Variants in RPS6KC1 observed in about 807,000 individuals in gnomAD.
RPS6KC1 encodes ribosomal protein S6 kinase C1, also known as inactive ribosomal protein S6 kinase delta-1.
A neutral mutation model predicts 103.8 loss-of-function variants in RPS6KC1; 54 were observed. That is an observed-to-expected ratio of 0.52 (90% CI 0.42 to 0.65). The LOEUF (loss-of-function observed/expected upper bound fraction) is 0.65. RPS6KC1 is among the 30% of genes least tolerant of loss of function. The probability of loss-of-function intolerance (pLI) is 0.00; values close to 1 mark genes in which losing one functional copy is unlikely to be tolerated. For synonymous variants in RPS6KC1, 439 were observed against 438.7 expected, an observed-to-expected ratio of 1.00 and a Z score of -0.01; for missense variants, 1,151 against 1,253.8, an observed-to-expected ratio of 0.92 and a Z score of 1.24.
chr1:213,113,379 T>C (rs555236061), intron 4 of RPS6KC1, among the ~76,000 whole-genome samples: 3 of 152,216 alleles, frequency 2.0e-5, no homozygotes, highest in Non-Finnish European at 2.9e-5. Flanking sequence ...AAGTGTCTGT[T>C]CTTGTCCTTC....
chr1:213,223,663 A>G (rs1489412191), intron 8 of RPS6KC1, among the ~76,000 whole-genome samples: 2 of 152,224 alleles, frequency 1.3e-5, no homozygotes, highest in African/African-American at 4.8e-5. Flanking sequence ...TCGTGCTGCT[A>G]TAAACATGTA....
chr1:213,648,135 T>A, the RPS6KC1 span, among the ~76,000 whole-genome samples: 58 of 152,328 alleles, frequency 3.8e-4, 1 homozygote, highest in African/African-American at 1.3e-3. Flanking sequence ...ACCATGTATT[T>A]TGAAACCATG....
the RPS6KC1 span, among the ~76,000 whole-genome samples, chr1:213,321,221 T>C: frequency 6.6e-6 from 1 of 152,240 alleles, no homozygotes; most frequent in African/African-American, 2.4e-5. Flanking sequence ...ATCAAAGTCC[T>C]TGTGATGGTA....
chr1:213,638,698 A>G, the RPS6KC1 span, among the ~76,000 whole-genome samples: 1 of 152,028 alleles, frequency 6.6e-6, no homozygotes, highest in African/African-American at 2.4e-5. Flanking sequence ...GGTCTTTATT[A>G]TGTTCCATTG....
At chr1:213,492,008 TTCTTC>T in the RPS6KC1 span, among the ~76,000 whole-genome samples, 17 of 152,170 alleles carry the variant, frequency 1.1e-4, no homozygotes, top group African/African-American at 4.1e-4. Flanking sequence ...TATAAGGTGG[TTCTTC>T]TCTTCAGCCC....
chr1:213,517,143 A>G, the RPS6KC1 span, among the ~76,000 whole-genome samples: 2 of 152,010 alleles, frequency 1.3e-5, no homozygotes, highest in South Asian at 2.1e-4. Flanking sequence ...TCTTGCTAGT[A>G]GTCTATCAAT....
the RPS6KC1 span, among the ~76,000 whole-genome samples, chr1:213,625,481 A>G: frequency 1.3e-5 from 2 of 151,966 alleles, no homozygotes; most frequent in East Asian, 3.9e-4. Context: ...CACAACGTGC[A>G]GGTTTGTTAC....
the RPS6KC1 span, among the ~76,000 whole-genome samples, chr1:213,800,101 C>T: frequency 1.3e-5 from 2 of 152,128 alleles, no homozygotes; most frequent in African/African-American, 4.8e-5. Flanking sequence ...CCTCTGAAGG[C>T]CCCAAATCCG....
the RPS6KC1 span, among the ~76,000 whole-genome samples, chr1:213,851,557 A>C: frequency 6.6e-6 from 1 of 152,068 alleles, no homozygotes; most frequent in African/African-American, 2.4e-5. Context: ...GATTGCCCCC[A>C]GGTAATCGCA....
the RPS6KC1 span, among the ~76,000 whole-genome samples, chr1:213,375,266 TATACACATACATATATACACACATAC>T: frequency 6.6e-6 from 1 of 151,472 alleles, no homozygotes. Flanking sequence ...CATACACACA[TATACACATACATATATACACACATAC>T]ATACACACAT....
the RPS6KC1 span, among the ~76,000 whole-genome samples, chr1:213,499,559 C>T: frequency 6.6e-6 from 1 of 152,150 alleles, no homozygotes; most frequent in Non-Finnish European, 1.5e-5. Flanking sequence ...TCCTATGAGA[C>T]TCTCATGCCT....
the RPS6KC1 span, among the ~76,000 whole-genome samples, chr1:213,443,195 T>C: frequency 6.6e-6 from 1 of 152,210 alleles, no homozygotes; most frequent in Admixed American, 6.5e-5. Flanking sequence ...TTCTAGGCTA[T>C]GACGATGGCA....
At chr1:213,251,127 G>A (rs1482048918) in intron 12 of RPS6KC1, among the ~76,000 whole-genome samples, 1 of 93,148 alleles carries the variant, frequency 1.1e-5, no homozygotes, top group Admixed American at 1.5e-4. Flanking sequence ...TTTTTTTTGA[G>A]ACAGAGTCTT....
chr1:213,829,113 C>T, the RPS6KC1 span, among the ~76,000 whole-genome samples: 2 of 152,006 alleles, frequency 1.3e-5, no homozygotes, highest in South Asian at 2.1e-4. Context: ...GTAGTCCCGA[C>T]GAAGCCTACA....
chr1:213,070,963 AT>A, intron 1 of RPS6KC1, 42 bp from the exon 2 acceptor site: 1 of 1,237,020 alleles, frequency 8.1e-7, no homozygotes, highest in Non-Finnish European at 1.1e-6. Flanking sequence ...GAAATCTTAA[AT>A]TTTGATAATG....
At chr1:213,144,939 G>C (rs2087557622) in intron 6 of RPS6KC1, among the ~76,000 whole-genome samples, 1 of 152,060 alleles carries the variant, frequency 6.6e-6, no homozygotes, top group Non-Finnish European at 1.5e-5. Context: ...GCTGGGCATG[G>C]TGGTGGGTGC....
chr1:213,087,498 T>C lies in RPS6KC1; in HGVS notation c.262+9682T>C, dbSNP rs1417256417. ...CAAATCTCTTTCTTCATTTCCTCCT[T>C]GGTTAATGGGTAGGATTCTTTCAGT... On this transcript the variant is annotated intron_variant, in intron 3 of 14. Coordinates refer to ENST00000366960, the MANE Select transcript of RPS6KC1 (RefSeq NM_012424.6). Among the ~76,000 whole-genome samples the C allele has an allele frequency of 5.3e-5, 8 of 152,352 alleles. No individual in the cohort carries two copies. The East Asian group carries it at 1.3e-3, about 26-fold the overall frequency.
the RPS6KC1 span, among the ~76,000 whole-genome samples, chr1:213,733,474 C>T: frequency 1.3e-5 from 2 of 151,036 alleles, no homozygotes; most frequent in South Asian, 2.1e-4. Context: ...TGGGCTCAAG[C>T]GATCATCCTG....
At chr1:213,749,782 G>A in the RPS6KC1 span, among the ~76,000 whole-genome samples, 1 of 152,160 alleles carries the variant, frequency 6.6e-6, no homozygotes, top group Non-Finnish European at 1.5e-5. Context: ...TTCAGGAGAG[G>A]GCTCTGCTGG....
Sources: allele counts gnomAD v4.1 joint callset (sites outside exome capture counted in the v4.1 genomes callset), GRCh38; gene constraint gnomAD v4.1.1; transcripts MANE v1.5; gene names NCBI Gene and HGNC (gene_info 2026-07-23, HGNC 2026-07-21).